Variants in GABBR2 observed in about 807,000 individuals in gnomAD.
The protein encoded by GABBR2 is G-protein coupled receptor 51.
GABBR2 carries 23 observed loss-of-function variants against 105.6 expected under a neutral mutation model. The observed-to-expected ratio is 0.22, with a 90% CI of 0.16 to 0.31. The LOEUF (loss-of-function observed/expected upper bound fraction) is 0.31. GABBR2 is among the 10% of genes least tolerant of loss of function. GABBR2 has a pLI of 1.00. For synonymous variants in GABBR2, 478 were observed against 499.7 expected, an observed-to-expected ratio of 0.96 and a Z score of 0.58; for missense variants, 734 against 1,245.5, an observed-to-expected ratio of 0.59 and a Z score of 6.18.
intron 7 of GABBR2, among the ~76,000 whole-genome samples, chr9:98,445,960 G>A (rs1236888763): frequency 6.6e-6 from 1 of 152,216 alleles, no homozygotes; most frequent in Non-Finnish European, 1.5e-5. Context: ...CAAAAGGGAG[G>A]AAGAGGAGGG....
At chr9:98,383,689 C>T (rs915231027) in intron 11 of GABBR2, among the ~76,000 whole-genome samples, 1 of 152,188 alleles carries the variant, frequency 6.6e-6, no homozygotes, top group Non-Finnish European at 1.5e-5. Context: ...CTAGACAGCT[C>T]ACAGTGAAGT....
At chr9:98,643,387 C>T (rs1829993227) in intron 1 of GABBR2, among the ~76,000 whole-genome samples, 1 of 152,230 alleles carries the variant, frequency 6.6e-6, no homozygotes, top group African/African-American at 2.4e-5. Context: ...TACTCACGTG[C>T]CCACACAGGC....
chr9:98,641,187 G>A (rs1157079538), intron 1 of GABBR2, among the ~76,000 whole-genome samples: 2 of 150,378 alleles, frequency 1.3e-5, no homozygotes, highest in African/African-American at 4.9e-5. Context: ...AGGCTGGAGT[G>A]CAGTGGCACG....
chr9:98,478,792 T>C (rs552164913), intron 5 of GABBR2, among the ~76,000 whole-genome samples: 35 of 152,322 alleles, frequency 2.3e-4, no homozygotes, highest in African/African-American at 7.0e-4. Context: ...TCTATGTTTC[T>C]TGCAAACTGG....
intron 1 of GABBR2, among the ~76,000 whole-genome samples, chr9:98,697,351 C>T (rs1348523963): frequency 1.3e-5 from 2 of 152,110 alleles, no homozygotes; most frequent in Admixed American, 6.5e-5. Context: ...ATTAGCCGGG[C>T]GTGGTGGCGG....
chr9:98,508,208 C>T (rs1827552984), intron 3 of GABBR2, among the ~76,000 whole-genome samples: 1 of 152,184 alleles, frequency 6.6e-6, no homozygotes, highest in Non-Finnish European at 1.5e-5. Flanking sequence ...TGACACCAAA[C>T]TAGAAGACGG....
chr9:98,572,741 A>G (rs912743853), intron 2 of GABBR2, among the ~76,000 whole-genome samples: 1 of 152,108 alleles, frequency 6.6e-6, no homozygotes, highest in Non-Finnish European at 1.5e-5. Flanking sequence ...CTTTGTTCTT[A>G]TATCTTCCTT....
At position 98,708,712 on chromosome 9, in the gene GABBR2, T is replaced by G; in HGVS notation, c.26A>C (p.Gln9Pro). Residue 9 changes from glutamine (Q) to proline (P), a missense_variant, in exon 1 of 19, where the codon CAG (glutamine) becomes CCG (proline). This residue lies in a region of GABBR2 where 70 missense variants were observed against 73.4 expected (regional missense o/e 0.95). Transcript: ENST00000259455. ...TGGCGGCGGCGGCGGCGGCCCGGGC[T>G]GCCCGGAGCTCCGCGGGGAAGCCAT... Reference protein sequence around the residue: MASPRSSGQPGPPPPPPPP... With the variant: MASPRSSGPPGPPPPPPPP... The G allele has an allele frequency of 1.0e-6, 1 of 993,206 alleles. No individual in the cohort carries two copies. Among genetic ancestry groups the G allele is most frequent in the Non-Finnish European group, 1.2e-6 (1 of 837,976 alleles). 61.5% of individuals were successfully genotyped at this position (993,206 alleles called of 1,614,324 possible). A position where few individuals can be genotyped will look rare whatever the true frequency, so the allele number is the denominator to read the frequency against.
At chr9:98,527,024 A>G (rs1317778108) in intron 3 of GABBR2, among the ~76,000 whole-genome samples, 1 of 150,868 alleles carries the variant, frequency 6.6e-6, no homozygotes, top group Admixed American at 6.6e-5. Flanking sequence ...ATATAACTCT[A>G]GAACATCCAG....
At chr9:98,689,664 G>A (rs1273965586) in intron 1 of GABBR2, among the ~76,000 whole-genome samples, 6 of 152,144 alleles carry the variant, frequency 3.9e-5, no homozygotes, top group African/African-American at 9.7e-5. Context: ...TATCCCCGAC[G>A]TCTCTGACCA....
rs867539014 is a variant in GABBR2, at chr9:98,388,777, T to C, written c.1529+77A>G. 4 of 1,165,364 alleles carry C rather than the reference T, an allele frequency of 3.4e-6. No individual in the cohort carries two copies. The highest frequency in any genetic ancestry group is 2.2e-5 in the Admixed American group (1 of 45,052). The allele number at this position is 1,165,364 out of a possible 1,614,324, so 72.2% of individuals were successfully genotyped here. A position where few individuals can be genotyped will look rare whatever the true frequency, so the allele number is the denominator to read the frequency against. On this transcript the variant is annotated intron_variant, in intron 10 of 18. Transcript: ENST00000259455. The surrounding 1 kb of genome is among the most constrained non-coding windows in gnomAD (Gnocchi z 4.4). ...TTCTGTGTCCCTGGGGAATCTGTCATGTGGCACTCCTATACTGTGTCCATA... is the reference window on the plus strand; with the variant it reads ...TTCTGTGTCCCTGGGGAATCTGTCACGTGGCACTCCTATACTGTGTCCATA...
At chr9:98,674,317 T>C (rs1830447291) in intron 1 of GABBR2, among the ~76,000 whole-genome samples, 1 of 152,158 alleles carries the variant, frequency 6.6e-6, no homozygotes, top group Non-Finnish European at 1.5e-5. Context: ...TCAACATTAC[T>C]CTGAACAAAC....
chr9:98,306,458 G>GTT lies in GABBR2; in HGVS notation c.2005-114_2005-113insAA. On this transcript the variant is annotated intron_variant, in intron 14 of 18. Transcript: ENST00000259455. This position sits in a 1 kb window ranked among gnomAD's most constrained non-coding sequence, Gnocchi z 5.4. ...TACTCAGGAGGTGGGCTGCAGGGAG[G>GTT]GAGGGTCGGGGGCCTTGCTGTCAGC... 4 of 623,902 alleles carry GTT rather than the reference G, an allele frequency of 6.4e-6. No homozygotes were observed. The highest frequency in any genetic ancestry group is 1.8e-5 in the African/African-American group (1 of 54,658). 38.6% of individuals were successfully genotyped at this position (623,902 alleles called of 1,614,324 possible). A position where few individuals can be genotyped will look rare whatever the true frequency, so the allele number is the denominator to read the frequency against.
At chr9:98,647,947 T>A (rs1830048365) in intron 1 of GABBR2, among the ~76,000 whole-genome samples, 1 of 149,872 alleles carries the variant, frequency 6.7e-6, no homozygotes, top group East Asian at 2.1e-4. Flanking sequence ...TCATTATTTG[T>A]TAAGTGTTTG....
At chr9:98,410,595 T>C (rs905471494) in intron 7 of GABBR2, among the ~76,000 whole-genome samples, 4 of 150,584 alleles carry the variant, frequency 2.7e-5, no homozygotes, top group African/African-American at 9.8e-5. Flanking sequence ...CAGCAGCTTC[T>C]GATTCCTGAA....
rs16917779 is a variant in GABBR2, at chr9:98,654,229, C to A, written c.321+54188G>T. Among the ~76,000 whole-genome samples, 30 of 152,290 alleles carry A rather than the reference C, an allele frequency of 2.0e-4. No homozygotes were observed. In the East Asian group the frequency reaches 5.6e-3, roughly 28 times the overall value. ...TCCACTCTTCCCTGACACCACGGTG[C>A]GCTCTATGGAAACAGAGCCAAGAAC... On this transcript the variant is annotated intron_variant, in intron 1 of 18. Transcript: ENST00000259455.
chr9:98,399,580 A>G (rs1588141149), intron 8 of GABBR2, among the ~76,000 whole-genome samples: 1 of 151,992 alleles, frequency 6.6e-6, no homozygotes. Context: ...AGCCCCACCA[A>G]CCCCCATACC....
chr9:98,680,650 T>C (rs938218820), intron 1 of GABBR2, among the ~76,000 whole-genome samples: 1 of 152,178 alleles, frequency 6.6e-6, no homozygotes, highest in Non-Finnish European at 1.5e-5. Flanking sequence ...GTTCTAAAGT[T>C]CTAGCATAAG....
chr9:98,432,902 G>C (rs59552939), intron 7 of GABBR2, among the ~76,000 whole-genome samples: 1,930 of 152,242 alleles, frequency 0.013, 43 homozygotes, highest in African/African-American at 0.044. Flanking sequence ...GCTAGAGTGG[G>C]CAGTGTGAGC....
Sources: allele counts gnomAD v4.1 joint callset (sites outside exome capture counted in the v4.1 genomes callset), GRCh38; gene constraint gnomAD v4.1.1; regional missense constraint gnomAD v4.1.1; non-coding constraint Gnocchi (gnomAD v3.1); transcripts MANE v1.5; gene names NCBI Gene and HGNC (gene_info 2026-07-23, HGNC 2026-07-21).